Variants in MARCHF1 observed in about 807,000 individuals in gnomAD.
MARCHF1 encodes E3 ubiquitin-protein ligase MARCHF1.
In MARCHF1, 40 loss-of-function variants were observed where a neutral mutation model predicts 54.2. The observed-to-expected ratio is 0.74, with a 90% confidence interval of 0.57 to 0.96. MARCHF1 has a LOEUF of 0.96. MARCHF1 is among the 40% of genes least tolerant of loss of function. The pLI, the probability that MARCHF1 is intolerant of heterozygous loss-of-function variation, is 0.00. For synonymous variants in MARCHF1, 236 were observed against 236.3 expected, an observed-to-expected ratio of 1.00 and a Z score of 0.01; for missense variants, 586 against 656.5, an observed-to-expected ratio of 0.89 and a Z score of 1.17.
intron 5 of MARCHF1, among the ~76,000 whole-genome samples, chr4:163,621,124 G>T (rs1408460195): frequency 6.6e-6 from 1 of 152,154 alleles, no homozygotes; most frequent in Non-Finnish European, 1.5e-5. Flanking sequence ...TAACTGTTTT[G>T]TAGAGTGTCT....
chr4:163,669,569 A>G (rs1743657347), intron 5 of MARCHF1, among the ~76,000 whole-genome samples: 1 of 151,430 alleles, frequency 6.6e-6, no homozygotes, highest in South Asian at 2.1e-4. Context: ...CCAAATGCCA[A>G]GGTCTTCTTT....
intron 4 of MARCHF1, among the ~76,000 whole-genome samples, chr4:163,740,351 T>G (rs1746160703): frequency 6.6e-6 from 1 of 152,228 alleles, no homozygotes; most frequent in Non-Finnish European, 1.5e-5. Context: ...TTACCTTACT[T>G]GCAAGCTATC....
At chr4:163,867,596 T>C (rs1009873146) in intron 3 of MARCHF1, among the ~76,000 whole-genome samples, 12 of 151,706 alleles carry the variant, frequency 7.9e-5, no homozygotes, top group African/African-American at 1.2e-4. Context: ...ACCTGAAAAA[T>C]GACTCAGATA....
At position 164,338,904 on chromosome 4, in the gene MARCHF1, G is replaced by A. The variant is rs559190328; in HGVS notation, c.-323+44966C>T. On this transcript the variant is annotated intron_variant, in intron 1 of 9. Coordinates refer to ENST00000514618, the MANE Select transcript of MARCHF1 (RefSeq NM_001394959.1). ...GGAGAATCGCTTGAACCTGGGAGGC[G>A]GAGATTGCAGTGAGCCAAGATCGCA... 9.9e-5 allele frequency among the ~76,000 whole-genome samples: 15 copies of A among 152,060 alleles called. No homozygotes were observed. In the South Asian group the frequency reaches 1.7e-3, roughly 17 times the overall value.
chr4:163,977,143 A>C (rs1357405965), intron 3 of MARCHF1, among the ~76,000 whole-genome samples: 1 of 151,182 alleles, frequency 6.6e-6, no homozygotes, highest in Admixed American at 6.6e-5. Context: ...ATTATTATAA[A>C]TATATAAAAT....
At chr4:164,338,407 G>A (rs993589932) in intron 1 of MARCHF1, among the ~76,000 whole-genome samples, 3 of 152,074 alleles carry the variant, frequency 2.0e-5, no homozygotes, top group Admixed American at 6.5e-5. Context: ...TCAATAAAAT[G>A]ATTATAGTAA....
intron 5 of MARCHF1, among the ~76,000 whole-genome samples, chr4:163,633,466 C>T (rs965765649): frequency 1.1e-4 from 16 of 151,968 alleles, no homozygotes; most frequent in South Asian, 2.1e-4. Flanking sequence ...CCTCAGGAGC[C>T]GATGCGATCA....
chr4:163,843,985 T>C (rs1234116281), intron 4 of MARCHF1, among the ~76,000 whole-genome samples: 1 of 152,106 alleles, frequency 6.6e-6, no homozygotes, highest in Non-Finnish European at 1.5e-5. Flanking sequence ...TTTTCTTTTT[T>C]AAAAAACTTT....
intron 4 of MARCHF1, among the ~76,000 whole-genome samples, chr4:163,726,752 A>G (rs189588589): frequency 4.5e-4 from 69 of 152,316 alleles, no homozygotes; most frequent in African/African-American, 1.6e-3. Context: ...GTTACTCTGC[A>G]TCCTGCTACA....
At chr4:163,623,877 C>T (rs929893128) in intron 5 of MARCHF1, among the ~76,000 whole-genome samples, 2 of 152,120 alleles carry the variant, frequency 1.3e-5, no homozygotes, top group African/African-American at 4.8e-5. Flanking sequence ...TTGAGGAGAA[C>T]CCAAACTGGA....
chr4:163,837,415 T>C (rs1278299513), intron 4 of MARCHF1, among the ~76,000 whole-genome samples: 3 of 152,176 alleles, frequency 2.0e-5, no homozygotes, highest in African/African-American at 7.2e-5. Flanking sequence ...ATTTAACATG[T>C]ACAACTATTT....
chr4:163,828,307 T>G (rs1325558824), intron 4 of MARCHF1, among the ~76,000 whole-genome samples: 1 of 152,170 alleles, frequency 6.6e-6, no homozygotes, highest in South Asian at 2.1e-4. Context: ...GAAAAACAAC[T>G]GTTTTTCAAC....
chr4:164,261,337 C>T (rs1481652727), intron 1 of MARCHF1, among the ~76,000 whole-genome samples: 1 of 152,066 alleles, frequency 6.6e-6, no homozygotes, highest in Non-Finnish European at 1.5e-5. Flanking sequence ...TCTCCAATTT[C>T]CATATGAAGA....
intron 4 of MARCHF1, among the ~76,000 whole-genome samples, chr4:163,835,292 C>T (rs938803078): frequency 5.3e-5 from 8 of 152,172 alleles, no homozygotes; most frequent in Admixed American, 4.6e-4. Flanking sequence ...GATAAGACCA[C>T]ATTCGTGGTT....
chr4:164,242,689 G>C (rs1732810663), intron 1 of MARCHF1, among the ~76,000 whole-genome samples: 1 of 152,184 alleles, frequency 6.6e-6, no homozygotes, highest in South Asian at 2.1e-4. Context: ...TGAGCTACGG[G>C]AGGACATTCA....
At chr4:163,780,367 G>A (rs1004125374) in intron 4 of MARCHF1, among the ~76,000 whole-genome samples, 8 of 152,138 alleles carry the variant, frequency 5.3e-5, no homozygotes, top group East Asian at 1.9e-4. Flanking sequence ...GGAATATGTC[G>A]TATTTTGATT....
intron 2 of MARCHF1, among the ~76,000 whole-genome samples, chr4:164,073,952 G>A (rs893385036): frequency 4.0e-5 from 6 of 151,876 alleles, no homozygotes; most frequent in South Asian, 2.1e-4. Flanking sequence ...TTACAGGCAC[G>A]CACCACCACA....
chr4:164,011,126 G>A (rs1269968806), intron 2 of MARCHF1, among the ~76,000 whole-genome samples: 1 of 151,982 alleles, frequency 6.6e-6, no homozygotes, highest in Non-Finnish European at 1.5e-5. Flanking sequence ...AAAATGGATG[G>A]AAGATTTAAA....
intron 3 of MARCHF1, among the ~76,000 whole-genome samples, chr4:163,983,902 G>A (rs922488803): frequency 6.6e-6 from 1 of 151,768 alleles, no homozygotes; most frequent in Non-Finnish European, 1.5e-5. Context: ...CTCAGCTCTG[G>A]CCCTGAGACT....
Sources: gnomAD v4.1 joint callset for allele counts (sites outside exome capture counted in the v4.1 genomes callset) on GRCh38, gnomAD v4.1.1 for gene constraint, MANE v1.5 for transcripts, NCBI Gene and HGNC (gene_info 2026-07-23, HGNC 2026-07-21) for gene names.